Variants in IL16 observed in about 807,000 individuals in gnomAD.
IL16 encodes the protein pro-interleukin-16.
A neutral mutation model predicts 110.1 loss-of-function variants in IL16; 67 were observed. The ratio of observed to expected loss-of-function variants is 0.61; its 90% CI spans 0.50 to 0.75. IL16 has a LOEUF of 0.75. IL16 is among the 30% of genes least tolerant of loss of function. The pLI is 0.00. For synonymous variants in IL16, 689 were observed against 662.9 expected (o/e 1.04, Z -0.61); for missense variants, 1,545 against 1,655.0 (o/e 0.93, Z 1.15).
In IL16 at chr15:81,310,396, A is replaced by G. The variant is rs1744501395; in HGVS notation, c.*1598A>G. ...AGGCGTTCAGCTCACTGTTCTATTC[A>G]TCTCAAGGAATAATGGGCTTAGAGC... On this transcript the variant is annotated 3_prime_UTR_variant, in exon 19 of 19. Transcript: ENST00000683961. 6.6e-6 allele frequency: 1 copy of G among 152,166 alleles called. No individual in the cohort carries two copies. The highest frequency in any genetic ancestry group is 2.1e-4 in the South Asian group (1 of 4,834). 9.4% of individuals were successfully genotyped at this position (152,166 alleles called of 1,614,324 possible).
intron 4 of IL16, among the ~76,000 whole-genome samples, chr15:81,267,505 C>CACAGAG (rs1555420217): frequency 7.3e-6 from 1 of 136,248 alleles, no homozygotes; most frequent in African/African-American, 3.6e-5. Flanking sequence ...CACACACACA[C>CACAGAG]AGAGAGAGCG....
chr15:81,185,357 C>A (rs1595929953), intron 1 of IL16, among the ~76,000 whole-genome samples: 4 of 141,364 alleles, frequency 2.8e-5, no homozygotes, highest in Admixed American at 2.7e-4. Context: ...TTTTTCTTTT[C>A]TTTTCCTTTT....
At chr15:81,243,163 ATTTTTTTTTT>A (rs1219851899) in intron 2 of IL16, among the ~76,000 whole-genome samples, 1 of 15,032 alleles carries the variant, frequency 6.7e-5, no homozygotes, top group Non-Finnish European at 1.2e-4. Context: ...ATATATATAT[ATTTTTTTTTT>A]TTTTTTTTTT....
chr15:81,232,053 T>TG (rs1434601911), intron 2 of IL16, among the ~76,000 whole-genome samples: 183 of 121,154 alleles, frequency 1.5e-3, no homozygotes, highest in African/African-American at 4.4e-3. Context: ...TTTTTTTTTT[T>TG]TTTTTTTTTT....
intron 4 of IL16, 60 bp from the exon 5 acceptor site, chr15:81,269,478 G>A: frequency 8.9e-7 from 1 of 1,126,360 alleles, no homozygotes. Flanking sequence ...CCTTCCTTGT[G>A]AGGCATGTGC....
chr15:81,292,722 T>C lies in IL16; in HGVS notation c.1587T>C (p.Ser529=). The change falls in exon 12 of 19, where the codon AGT becomes AGC. Residue 529 remains serine (S), a synonymous_variant. Transcript: ENST00000683961. ...GSPGGSPGSG[S]AEKPSSDVDI... Reference sequence around the variant, plus strand: ...CAGGGGGAAGTCCTGGGAGTGGCAGTGCTGAGAAGCCGTCCTCTGACGTGG... The same window carrying C: ...CAGGGGGAAGTCCTGGGAGTGGCAGCGCTGAGAAGCCGTCCTCTGACGTGG... 2 of 1,614,162 alleles carry C rather than the reference T, an allele frequency of 1.2e-6. No homozygotes were observed. The highest frequency in any genetic ancestry group is 1.7e-6 in the Non-Finnish European group (2 of 1,180,028).
rs571688381 is a variant in IL16, at chr15:81,269,612, C to T, written c.639C>T (p.Val213=). Residue 213 remains valine, a synonymous_variant, in exon 5 of 19, where the codon GTC becomes GTT. Coordinates refer to ENST00000683961, the MANE Select transcript of IL16 (RefSeq NM_172217.5). Reference sequence around the variant, plus strand: ...CATCTGGGGGCCTCCAGGCTTCAGTCATCTCCAACATCGTGCTGATGAAGG... The same window carrying T: ...CATCTGGGGGCCTCCAGGCTTCAGTTATCTCCAACATCGTGCTGATGAAGG... The part of the protein sequence containing the change: ...VQPSGGLQAS[V]ISNIVLMKGQ... The T allele has an allele frequency of 1.7e-5, 28 of 1,613,924 alleles. No individual in the cohort carries two copies. In the East Asian group the frequency reaches 2.9e-4, roughly 17 times the overall value.
chr15:81,258,777 A>C (rs1212550014), intron 2 of IL16, among the ~76,000 whole-genome samples: 6 of 151,556 alleles, frequency 4.0e-5, no homozygotes, highest in Non-Finnish European at 7.4e-5. Flanking sequence ...CTCTCTCTAT[A>C]TATATATATT....
chr15:81,188,309 A>G, intron 1 of IL16: 1 of 456,294 alleles, frequency 2.2e-6, no homozygotes, highest in South Asian at 1.5e-5. Flanking sequence ...AGACACAGGC[A>G]TTTCTGGCTC....
intron 1 of IL16, among the ~76,000 whole-genome samples, chr15:81,201,128 C>T (rs1224749119): frequency 6.6e-6 from 1 of 151,750 alleles, no homozygotes; most frequent in Non-Finnish European, 1.5e-5. Flanking sequence ...TTGTCAGAAG[C>T]AGAAAATAAA....
chr15:81,210,606 A>C (rs150359320), intron 1 of IL16, among the ~76,000 whole-genome samples: 1 of 152,094 alleles, frequency 6.6e-6, no homozygotes, highest in Non-Finnish European at 1.5e-5. Context: ...CTTTGTGGCT[A>C]TTACAAGTGG....
chr15:81,247,070 CTTTTCCTT>C (rs1325020594), intron 2 of IL16, among the ~76,000 whole-genome samples: 1 of 107,608 alleles, frequency 9.3e-6, no homozygotes, highest in Non-Finnish European at 1.9e-5. Context: ...TCTTTCTTTT[CTTTTCCTT>C]TTTTTTTTTT....
At chr15:81,262,614 G>T (rs1367658461) in intron 3 of IL16, among the ~76,000 whole-genome samples, 1 of 152,090 alleles carries the variant, frequency 6.6e-6, no homozygotes, top group Non-Finnish European at 1.5e-5. Flanking sequence ...GTCCCTGAAA[G>T]CAAATTTGGC....
intron 1 of IL16, among the ~76,000 whole-genome samples, chr15:81,222,128 C>T (rs1192077258): frequency 1.3e-5 from 2 of 151,986 alleles, no homozygotes; most frequent in Non-Finnish European, 2.9e-5. Flanking sequence ...ATTGGGTTTG[C>T]ATTCCAAGAA....
intron 1 of IL16, among the ~76,000 whole-genome samples, chr15:81,209,474 G>A (rs1896155027): frequency 6.6e-6 from 1 of 152,114 alleles, no homozygotes; most frequent in East Asian, 1.9e-4. Context: ...TCTGAGGCAG[G>A]GATGAACTGG....
chr15:81,291,778 TCTGCCCTCACCTCA>T (rs1221397947), intron 11 of IL16: 1 of 396,456 alleles, frequency 2.5e-6, no homozygotes, highest in Non-Finnish European at 5.2e-6. Context: ...ATAGCGGCTT[TCTGCCCTCACCTCA>T]CCCTCAACTG....
chr15:81,247,513 G>A lies in IL16; in HGVS notation c.313-12259G>A, dbSNP rs752737573. Among the ~76,000 whole-genome samples, 5 of 152,120 alleles carry A rather than the reference G, an allele frequency of 3.3e-5. No homozygotes were observed. The South Asian group carries it at 1.0e-3, about 32-fold the overall frequency. The stretch of plus-strand genomic sequence containing the variant: ...AAAATCAAAACCTTTTTCTTTTCGA[G>A]TAACTACATATTCACAAGAAGTTGC... On this transcript the variant is annotated intron_variant, in intron 2 of 18. Transcript: ENST00000683961.
At chr15:81,295,426 G>C in intron 12 of IL16, 1 of 1,288,230 alleles carries the variant, frequency 7.8e-7, no homozygotes, top group Middle Eastern at 2.1e-4. Context: ...TTGTAAAGCT[G>C]CATTGACTGC....
chr15:81,197,430 A>C (rs1028439448), intron 1 of IL16, among the ~76,000 whole-genome samples: 7 of 152,088 alleles, frequency 4.6e-5, no homozygotes, highest in Non-Finnish European at 1.0e-4. Context: ...CACGGGGAGA[A>C]TTTGGTCCTG....
Sources: gnomAD v4.1 joint callset for allele counts (sites outside exome capture counted in the v4.1 genomes callset) on GRCh38, gnomAD v4.1.1 for gene constraint, MANE v1.5 for transcripts, NCBI Gene and HGNC (gene_info 2026-07-23, HGNC 2026-07-21) for gene names.